The following TIAL1 variants were observed in gnomAD, a reference collection of about 807,000 sequenced individuals.
The protein encoded by TIAL1 is TIA1 cytotoxic granule associated RNA binding protein like 1, also known as nucleolysin TIAR.
A neutral mutation model predicts 59.7 loss-of-function variants in TIAL1; 7 were observed. That is an observed-to-expected ratio of 0.12 (90% CI 0.07 to 0.22). The LOEUF is 0.22. Among genes scored for constraint, TIAL1 ranks in the 10% least tolerant of loss-of-function variants. The pLI is 1.00. For missense variants in TIAL1, 225 were observed against 462.5 expected, an observed-to-expected ratio of 0.49 and a Z score of 4.71; for synonymous variants, 149 against 146.3, an observed-to-expected ratio of 1.02 and a Z score of -0.13.
chr10:119,577,858 G>A (rs571172858), intron 7 of TIAL1, 122 bp from the exon 8 acceptor site: 5 of 769,466 alleles, frequency 6.5e-6, no homozygotes, highest in Non-Finnish European at 2.1e-6. Flanking sequence ...GGGAGGCTGA[G>A]GTGGGCAGAT....
intron 2 of TIAL1, among the ~76,000 whole-genome samples, chr10:119,587,199 A>G (rs1192616960): frequency 2.0e-5 from 3 of 152,194 alleles, no homozygotes; most frequent in East Asian, 1.9e-4. Flanking sequence ...CCCTTTCCAT[A>G]AACTCCTGCC....
At chr10:119,595,437 T>TAAAAA (rs3064561) in intron 1 of TIAL1, among the ~76,000 whole-genome samples, 11 of 139,822 alleles carry the variant, frequency 7.9e-5, no homozygotes, top group Admixed American at 2.9e-4. Context: ...TATTCAGACT[T>TAAAAA]AAAAAAAAAA....
At chr10:119,577,876 G>A (rs1845087387) in intron 7 of TIAL1, 140 bp from the exon 8 acceptor site, 1 of 665,092 alleles carries the variant, frequency 1.5e-6, no homozygotes, top group Non-Finnish European at 2.6e-6. Flanking sequence ...GATCACCTGA[G>A]GTCAGGAGTT....
intron 2 of TIAL1, among the ~76,000 whole-genome samples, chr10:119,586,893 A>G (rs1236265222): frequency 6.6e-6 from 1 of 152,154 alleles, no homozygotes; most frequent in African/African-American, 2.4e-5. Flanking sequence ...CCCTCCAATC[A>G]TCACAGAACT....
chr10:119,576,645 C>T lies in TIAL1; in HGVS notation c.967G>A (p.Gly323Arg), dbSNP rs1845007757. 2 of 1,614,090 alleles carry T rather than the reference C, an allele frequency of 1.2e-6. No individual in the cohort carries two copies. The highest frequency in any genetic ancestry group is 2.2e-5 in the East Asian group (1 of 44,872). The part of the protein sequence containing the change: ...GWQVPPYGVY[G>R]QPWNQQGFGV... ...AATCCTTGTTGATTCCATGGTTGCC[C>T]GTATACTCCATAAGGCGGTACTTGC... Residue 323 changes from glycine (G) to arginine (R), a missense_variant, in exon 11 of 12, where the codon GGG becomes AGG. Around this residue, in one of 4 missense-constraint regions of TIAL1, gnomAD observed 68 missense variants for 71.3 expected, o/e 0.95. Transcript: ENST00000436547.
Position 119,596,625 on chromosome 10 carries a change from C to T in TIAL1, c.-160G>A. The T allele has an allele frequency of 1.6e-6, 1 of 617,944 alleles. No homozygotes were observed. The highest frequency in any genetic ancestry group is 1.9e-5 in the South Asian group (1 of 51,344). The allele number at this position is 617,944 out of a possible 1,614,324, so 38.3% of individuals were successfully genotyped here. On this transcript the variant is annotated 5_prime_UTR_variant, in exon 1 of 12. Coordinates refer to ENST00000436547, the MANE Select transcript of TIAL1 (RefSeq NM_003252.4). ...CTCTCTCCCCCCAGCCCGCTCCGGA[C>T]ACTGCGCTCCAACCAGGAGGAGCAG...
At chr10:119,593,170 C>G (rs1589887001) in intron 1 of TIAL1, among the ~76,000 whole-genome samples, 1 of 152,194 alleles carries the variant, frequency 6.6e-6, no homozygotes, top group Non-Finnish European at 1.5e-5. Context: ...ACACACAACC[C>G]AAGCCTGAAA....
intron 1 of TIAL1, among the ~76,000 whole-genome samples, chr10:119,595,370 C>G (rs1391433200): frequency 6.6e-6 from 1 of 150,944 alleles, no homozygotes; most frequent in Non-Finnish European, 1.5e-5. Flanking sequence ...GGTAGGAGTG[C>G]TAGACCTGGA....
rs562605443 is a variant in TIAL1, at chr10:119,576,532, A to G, written c.1001+79T>C. 9.1e-6 allele frequency: 14 copies of G among 1,531,952 alleles called. No homozygotes were observed. The African/African-American group carries it at 1.7e-4, about 18-fold the overall frequency. 94.9% of individuals were successfully genotyped at this position (1,531,952 alleles called of 1,614,324 possible). On this transcript the variant is annotated intron_variant, in intron 11 of 11. Transcript: ENST00000436547. Reference sequence around the variant, plus strand: ...AGCTCAATGTATATAATTAAAATAGATTCTCCCTAGGAAAACACACTTTTA... The same window carrying G: ...AGCTCAATGTATATAATTAAAATAGGTTCTCCCTAGGAAAACACACTTTTA...
intron 9 of TIAL1, 95 bp from the exon 10 acceptor site, chr10:119,577,298 G>T: frequency 6.8e-7 from 1 of 1,481,188 alleles, no homozygotes; most frequent in Non-Finnish European, 9.0e-7. Flanking sequence ...CCTGCAAGTT[G>T]GTATTTTTTT....
At chr10:119,576,499 T>C (rs1589859499) in intron 11 of TIAL1, 112 bp downstream of exon 11, 2 of 1,391,788 alleles carry the variant, frequency 1.4e-6, no homozygotes, top group East Asian at 4.6e-5. Context: ...ATGCTCATAA[T>C]GCCAAATAGC....
intron 1 of TIAL1, among the ~76,000 whole-genome samples, chr10:119,594,446 G>A (rs536055192): frequency 1.4e-4 from 21 of 152,276 alleles, no homozygotes; most frequent in Admixed American, 1.2e-3. Flanking sequence ...CCCCTGCCAT[G>A]AGTATTTATC....
At chr10:119,595,577 A>C (rs1846128285) in intron 1 of TIAL1, among the ~76,000 whole-genome samples, 1 of 152,194 alleles carries the variant, frequency 6.6e-6, no homozygotes, top group Admixed American at 6.5e-5. Flanking sequence ...CATTAGATTG[A>C]GCTTCAGGTA....
At chr10:119,590,744 G>C (rs1845811191) in intron 1 of TIAL1, among the ~76,000 whole-genome samples, 1 of 103,154 alleles carries the variant, frequency 9.7e-6, no homozygotes. Flanking sequence ...GAGAAAGAGA[G>C]AGAGACAGAG....
In TIAL1 at chr10:119,582,503, C is replaced by T; in HGVS notation, c.184G>A (p.Ala62Thr). 1 of 1,609,466 alleles carries T rather than the reference C, an allele frequency of 6.2e-7. No homozygotes were observed. The highest frequency in any genetic ancestry group is 8.5e-7 in the Non-Finnish European group (1 of 1,178,630). ...CCATTCATAGCAGCTAATGCAGCAG[C>T]TGCATCTCTGTGTTCATAAAATTCC... ...FVEFYEHRDAAAALAAMNGRK... is the reference protein window; with the variant it reads ...FVEFYEHRDATAALAAMNGRK... Residue 62 changes from alanine (A) to threonine (T), a missense_variant, in exon 3 of 12, where the codon GCT becomes ACT. Around this residue, in one of 4 missense-constraint regions of TIAL1, gnomAD observed 38 missense variants for 173.0 expected, o/e 0.22. Coordinates refer to ENST00000436547, the MANE Select transcript of TIAL1 (RefSeq NM_003252.4). This position sits in a 1 kb window ranked among gnomAD's most constrained non-coding sequence, Gnocchi z 5.1.
In TIAL1 at chr10:119,582,395, A is replaced by T; in HGVS notation, c.228+64T>A. 6.6e-7 allele frequency: 1 copy of T among 1,525,130 alleles called. No homozygotes were observed. The highest frequency in any genetic ancestry group is 8.8e-7 in the Non-Finnish European group (1 of 1,142,544). The allele number at this position is 1,525,130 out of a possible 1,614,324, so 94.5% of individuals were successfully genotyped here. A position where few individuals can be genotyped will look rare whatever the true frequency, so the allele number is the denominator to read the frequency against. ...TCTGCTCAAAAATTTGCCTAGAAAG[A>T]ATACAAACTAGTTTGACATGCAAAT... On this transcript the variant is annotated intron_variant, in intron 3 of 11. Transcript: ENST00000436547. This position sits in a 1 kb window ranked among gnomAD's most constrained non-coding sequence, Gnocchi z 5.1.
At chr10:119,586,815 C>G (rs989224233) in intron 2 of TIAL1, among the ~76,000 whole-genome samples, 5 of 152,174 alleles carry the variant, frequency 3.3e-5, no homozygotes, top group Admixed American at 2.6e-4. Flanking sequence ...CCATAGATAG[C>G]ACCATCTTGT....
rs1372215876 is a variant in TIAL1, at chr10:119,574,594, A to AC, written c.*1070_*1071insG. The AC allele has an allele frequency of 1.0e-4, 15 of 150,494 alleles. No individual in the cohort carries two copies. The highest frequency in any genetic ancestry group is 4.2e-4 in the South Asian group (2 of 4,746). 9.3% of individuals were successfully genotyped at this position (150,494 alleles called of 1,614,324 possible). A position where few individuals can be genotyped will look rare whatever the true frequency, so the allele number is the denominator to read the frequency against. On this transcript the variant is annotated 3_prime_UTR_variant, in exon 12 of 12. Transcript: ENST00000436547. ...TACCAAGTAATGTAAAGCAAAAAAA[A>AC]AAAAAAAAAAAAACAAAAACAAAAA...
Position 119,596,690 on chromosome 10 carries a change from C to G in TIAL1, c.-225G>C. ...TGAACAAAATGGCCGCCGCCACCAG[C>G]CAGGCAGGAAACAGGGCAGAGCGCA... On this transcript the variant is annotated 5_prime_UTR_variant, in exon 1 of 12. Coordinates refer to ENST00000436547, the MANE Select transcript of TIAL1 (RefSeq NM_003252.4). The G allele has an allele frequency of 3.4e-6, 2 of 586,428 alleles. No homozygotes were observed. Among genetic ancestry groups the G allele is most frequent in the Non-Finnish European group, 3.0e-6 (1 of 328,964 alleles). The allele number at this position is 586,428 out of a possible 1,614,324, so 36.3% of individuals were successfully genotyped here.
Sources: gnomAD v4.1 joint callset for allele counts (sites outside exome capture counted in the v4.1 genomes callset) on GRCh38, gnomAD v4.1.1 for gene constraint, gnomAD v4.1.1 regional missense constraint, Gnocchi (gnomAD v3.1) non-coding constraint, MANE v1.5 for transcripts, NCBI Gene and HGNC (gene_info 2026-07-23, HGNC 2026-07-21) for gene names.